The following RSRC2 variants were observed in gnomAD, a reference collection of about 807,000 sequenced individuals.
The protein encoded by RSRC2 is arginine/serine-rich coiled-coil protein 2.
In RSRC2, 5 loss-of-function variants were observed where a neutral mutation model predicts 61.3. The observed-to-expected ratio is 0.08, with a 90% CI of 0.04 to 0.17. The LOEUF (loss-of-function observed/expected upper bound fraction) is 0.17. RSRC2 is among the 10% of genes least tolerant of loss of function. The pLI is 1.00. For synonymous variants in RSRC2, 202 were observed against 166.5 expected (o/e 1.21, Z -1.64); for missense variants, 381 against 518.8 (o/e 0.73, Z 2.58).
intron 8 of RSRC2, chr12:122,507,988 GAGAC>G: frequency 1.7e-6 from 1 of 572,304 alleles, no homozygotes; most frequent in Non-Finnish European, 3.1e-6. Flanking sequence ...CTTTTCAGTA[GAGAC>G]AGGGTTTTGC....
chr12:122,507,251 C>G (rs984399968), intron 8 of RSRC2: 5 of 327,048 alleles, frequency 1.5e-5, no homozygotes, highest in African/African-American at 8.7e-5. Flanking sequence ...TGGTGGTGGG[C>G]ACCTGTAGAC....
At chr12:122,519,144 G>T in intron 3 of RSRC2, 115 bp from the exon 4 acceptor site, 1 of 753,308 alleles carries the variant, frequency 1.3e-6, no homozygotes, top group Non-Finnish European at 2.1e-6. Context: ...GGAGTGTGTG[G>T]CAAATAAAAA....
At chr12:122,513,677 G>T (rs1397891045) in intron 6 of RSRC2, 3 of 397,480 alleles carry the variant, frequency 7.5e-6, no homozygotes, top group Non-Finnish European at 1.0e-5. Flanking sequence ...GAAGATACGT[G>T]TGACTACAAC....
Position 122,515,004 on chromosome 12 carries a change from G to A in RSRC2, c.725+101C>T, listed in dbSNP as rs1001670479. 2.4e-6 allele frequency: 3 copies of A among 1,275,170 alleles called. No homozygotes were observed. In the East Asian group the frequency reaches 7.0e-5, roughly 30 times the overall value. 79.0% of individuals were successfully genotyped at this position (1,275,170 alleles called of 1,614,324 possible). A position where few individuals can be genotyped will look rare whatever the true frequency, so the allele number is the denominator to read the frequency against. On this transcript the variant is annotated intron_variant, in intron 6 of 9. Coordinates refer to ENST00000331738, the MANE Select transcript of RSRC2 (RefSeq NM_023012.6). ...ACAAATATGCCACCATATTACTAAAGTATGTGAATCATTCTCTTACTGAAA... is the reference window on the plus strand; with the variant it reads ...ACAAATATGCCACCATATTACTAAAATATGTGAATCATTCTCTTACTGAAA...
At position 122,512,100 on chromosome 12, in the gene RSRC2, C is replaced by G. The variant is rs956881648; in HGVS notation, c.726-912G>C. ...GCATTACAGGCGTGAGCCACCATGC[C>G]CAGCCCAAAAATGAATGCTTGTTCT... On this transcript the variant is annotated intron_variant, in intron 6 of 9. Coordinates refer to ENST00000331738, the MANE Select transcript of RSRC2 (RefSeq NM_023012.6). 3.5e-4 allele frequency among the ~76,000 whole-genome samples: 53 copies of G among 152,160 alleles called. 2 individuals are homozygous for G. Among genetic ancestry groups the G allele is most frequent in the Admixed American group, 3.4e-3 (52 of 15,270 alleles).
At chr12:122,509,767 AC>A (rs1205449793) in intron 7 of RSRC2, among the ~76,000 whole-genome samples, 1 of 152,176 alleles carries the variant, frequency 6.6e-6, no homozygotes, top group Non-Finnish European at 1.5e-5. Context: ...ACAACAAAAA[AC>A]CATCTTCCAG....
At chr12:122,521,581 A>G (rs1422653406) in intron 2 of RSRC2, among the ~76,000 whole-genome samples, 153 bp from the exon 3 acceptor site, 2 of 152,228 alleles carry the variant, frequency 1.3e-5, no homozygotes, top group Non-Finnish European at 2.9e-5. Context: ...CTACATTAAT[A>G]CAACACACAT....
At chr12:122,519,823 TC>T (rs1959172355) in intron 3 of RSRC2, 1 of 152,428 alleles carries the variant, frequency 6.6e-6, no homozygotes, top group Admixed American at 6.5e-5. Flanking sequence ...AACTGCATGA[TC>T]AAGTCTCATC....
chr12:122,526,837 T>TCGGTACCTA lies in RSRC2; in HGVS notation c.6+2_6+10dup. 6.2e-7 allele frequency: 1 copy of TCGGTACCTA among 1,614,178 alleles called. No homozygotes were observed. The highest frequency in any genetic ancestry group is 1.1e-5 in the South Asian group (1 of 91,084). On this transcript the variant is annotated intron_variant, in intron 1 of 9. Coordinates refer to ENST00000331738, the MANE Select transcript of RSRC2 (RefSeq NM_023012.6). Reference sequence around the variant, plus strand: ...AATATCCCTGGCTTTAAACTCAGATTCGGTACCTACCGCCATAGTTCAGAG... The same window carrying TCGGTACCTA: ...AATATCCCTGGCTTTAAACTCAGATTCGGTACCTACGGTACCTACCGCCATAGTTCAGAG...
chr12:122,524,428 T>C (rs1185713479), intron 1 of RSRC2, among the ~76,000 whole-genome samples: 1 of 152,174 alleles, frequency 6.6e-6, no homozygotes, highest in Non-Finnish European at 1.5e-5. Context: ...TAGTGGCAAA[T>C]CCCATTTACT....
At chr12:122,522,071 G>A in intron 2 of RSRC2, 72 bp downstream of exon 2, 1 of 1,435,464 alleles carries the variant, frequency 7.0e-7, no homozygotes, top group Non-Finnish European at 9.4e-7. Context: ...AAATGTATGT[G>A]TCTTCTTATA....
Position 122,505,101 on chromosome 12 carries a change from G to A in RSRC2, c.*426C>T, listed in dbSNP as rs1466108183. The stretch of plus-strand genomic sequence containing the variant: ...TATCATTACCACCCAGCTTATCTGT[G>A]CTGGATTATGTACCAAATGGCCAGA... On this transcript the variant is annotated 3_prime_UTR_variant, in exon 10 of 10. Coordinates refer to ENST00000331738, the MANE Select transcript of RSRC2 (RefSeq NM_023012.6). The A allele has an allele frequency of 1.3e-5, 2 of 154,386 alleles. No individual in the cohort carries two copies. Among genetic ancestry groups the A allele is most frequent in the Non-Finnish European group, 1.4e-5 (1 of 69,392 alleles). The allele number at this position is 154,386 out of a possible 1,614,324, so 9.6% of individuals were successfully genotyped here.
chr12:122,513,232 TAAA>T (rs1958657421), intron 6 of RSRC2, among the ~76,000 whole-genome samples: 1 of 91,432 alleles, frequency 1.1e-5, no homozygotes, highest in African/African-American at 4.1e-5. Flanking sequence ...AATAAATAAA[TAAA>T]TAAATAAATA....
intron 1 of RSRC2, chr12:122,522,837 T>TAATGAA (rs1959429117): frequency 6.6e-6 from 1 of 152,292 alleles, no homozygotes; most frequent in Non-Finnish European, 1.5e-5. Context: ...TAACCCTCTT[T>TAATGAA]AATGAAAACA....
intron 8 of RSRC2, chr12:122,507,391 T>C (rs1044293112): frequency 6.5e-6 from 1 of 154,504 alleles, no homozygotes; most frequent in African/African-American, 2.4e-5. Context: ...TCAAAAATAA[T>C]AAAAATAAAA....
chr12:122,516,920 T>C (rs1958973412), intron 5 of RSRC2, among the ~76,000 whole-genome samples: 1 of 152,190 alleles, frequency 6.6e-6, no homozygotes, highest in Non-Finnish European at 1.5e-5. Context: ...CTTGAACTCC[T>C]GGGCTCAAAA....
At chr12:122,513,431 A>T (rs1465951002) in intron 6 of RSRC2, among the ~76,000 whole-genome samples, 3 of 152,010 alleles carry the variant, frequency 2.0e-5, no homozygotes, top group Non-Finnish European at 4.4e-5. Flanking sequence ...TCTGAAATTA[A>T]AGAACTACAT....
At chr12:122,507,045 T>A in intron 8 of RSRC2, 122 bp from the exon 9 acceptor site, 2 of 680,662 alleles carry the variant, frequency 2.9e-6, no homozygotes, top group Non-Finnish European at 5.2e-6. Context: ...TCAATGTAAG[T>A]TTAATTATTT....
intron 6 of RSRC2, among the ~76,000 whole-genome samples, chr12:122,512,403 T>C (rs188010170): frequency 5.7e-4 from 87 of 152,216 alleles, no homozygotes; most frequent in Middle Eastern, 3.4e-3. Flanking sequence ...GGTAATACAA[T>C]GCAGGGGTAG....
Sources: allele counts gnomAD v4.1 joint callset (sites outside exome capture counted in the v4.1 genomes callset), GRCh38; gene constraint gnomAD v4.1.1; transcripts MANE v1.5; gene names NCBI Gene and HGNC (gene_info 2026-07-23, HGNC 2026-07-21).